TMEM132B: variants seen among roughly 807,000 people sequenced by gnomAD.
TMEM132B encodes transmembrane protein 132B.
In TMEM132B, 18 loss-of-function variants were observed where a neutral mutation model predicts 90.8. The ratio of observed to expected loss-of-function variants is 0.20; its 90% confidence interval spans 0.14 to 0.29. TMEM132B has a LOEUF of 0.29. Ranked by LOEUF, TMEM132B falls within the 10% of genes least tolerant of loss-of-function variation. The probability of loss-of-function intolerance (pLI) is 1.00; values close to 1 mark genes in which losing one functional copy is unlikely to be tolerated. For missense variants in TMEM132B, 1,096 were observed against 1,326.8 expected (o/e 0.83, Z 2.70); for synonymous variants, 504 against 523.3 (o/e 0.96, Z 0.50).
intron 5 of TMEM132B, among the ~76,000 whole-genome samples, chr12:125,592,327 T>C (rs1392793365): frequency 1.3e-5 from 2 of 152,190 alleles, no homozygotes; most frequent in African/African-American, 4.8e-5. Context: ...GATAAATAAG[T>C]ATAAGCTCAC....
chr12:125,323,528 T>TGTTA (rs1331286564), intron 1 of TMEM132B, among the ~76,000 whole-genome samples: 1 of 152,094 alleles, frequency 6.6e-6, no homozygotes, highest in Non-Finnish European at 1.5e-5. Context: ...TTTGTTTGTT[T>TGTTA]GTTTTTTGAG....
At position 125,219,652 on chromosome 12, in the gene TMEM132B, A is replaced by T. The variant is rs1007836922; in HGVS notation, c.67+32786A>T. ...CTGCCCATCTCCTTCCATCAGGTCCACTTTGGTTTCGAACAATTCCAAGAG... is the reference window on the plus strand; with the variant it reads ...CTGCCCATCTCCTTCCATCAGGTCCTCTTTGGTTTCGAACAATTCCAAGAG... On this transcript the variant is annotated intron_variant, in intron 1 of 8. Coordinates refer to ENST00000682704, the MANE Select transcript of TMEM132B (RefSeq NM_001366854.1). Among the ~76,000 whole-genome samples the T allele has an allele frequency of 3.3e-5, 5 of 152,254 alleles. No homozygotes were observed. The East Asian group carries it at 9.6e-4, about 29-fold the overall frequency.
In TMEM132B at chr12:125,653,901, T is replaced by C; in HGVS notation, c.2443T>C (p.Tyr815His). The C allele has an allele frequency of 6.2e-7, 1 of 1,614,072 alleles. No homozygotes were observed. The highest frequency in any genetic ancestry group is 8.5e-7 in the Non-Finnish European group (1 of 1,180,018). Residue 815 changes from tyrosine to histidine, a missense_variant, in exon 9 of 9, where the codon TAT becomes CAT. Transcript: ENST00000682704. ...TGATATTGAGGGCATAAATCGGGAATATAAAGACCACCTCAGTAATTCCAT... is the reference window on the plus strand; with the variant it reads ...TGATATTGAGGGCATAAATCGGGAACATAAAGACCACCTCAGTAATTCCAT... ...SNDIEGINREYKDHLSNSIER... is the reference protein window; with the variant it reads ...SNDIEGINREHKDHLSNSIER...
At chr12:125,625,000 C>T (rs908575287) in intron 5 of TMEM132B, among the ~76,000 whole-genome samples, 1 of 152,174 alleles carries the variant, frequency 6.6e-6, no homozygotes, top group Non-Finnish European at 1.5e-5. Flanking sequence ...TTCTGTTATG[C>T]TGTCCCTTTT....
At chr12:125,571,937 C>T (rs1050668424) in intron 4 of TMEM132B, among the ~76,000 whole-genome samples, 9 of 152,146 alleles carry the variant, frequency 5.9e-5, no homozygotes, top group African/African-American at 2.2e-4. Context: ...AAGAAAAATA[C>T]ATTTTTCTGT....
At chr12:125,381,240 T>C (rs1307632492) in intron 2 of TMEM132B, among the ~76,000 whole-genome samples, 1 of 152,158 alleles carries the variant, frequency 6.6e-6, no homozygotes, top group Non-Finnish European at 1.5e-5. Context: ...AGACATCTCA[T>C]GCTGTACAAG....
chr12:125,203,685 A>AT (rs1873118651), intron 1 of TMEM132B, among the ~76,000 whole-genome samples: 2 of 152,214 alleles, frequency 1.3e-5, no homozygotes, highest in Admixed American at 1.3e-4. Flanking sequence ...ACTTTAAAAT[A>AT]TTTTTCATTA....
Position 125,323,622 on chromosome 12 carries a change from G to A in TMEM132B, c.68-25830G>A, listed in dbSNP as rs1876486593. 3.3e-5 allele frequency among the ~76,000 whole-genome samples: 5 copies of A among 151,936 alleles called. No homozygotes were observed. In the South Asian group the frequency reaches 8.4e-4, roughly 25 times the overall value. ...CAACCTCTGCCTCTGGGGTTCAAGC[G>A]ATTCTCCTGCCTCAGCCTCCTGAGT... On this transcript the variant is annotated intron_variant, in intron 1 of 8. Coordinates refer to ENST00000682704, the MANE Select transcript of TMEM132B (RefSeq NM_001366854.1).
chr12:125,582,746 T>C (rs1386723479), intron 4 of TMEM132B, among the ~76,000 whole-genome samples: 2 of 152,234 alleles, frequency 1.3e-5, no homozygotes, highest in Non-Finnish European at 2.9e-5. Context: ...GTACCAGTTC[T>C]GTTCTAAGCT....
intron 4 of TMEM132B, 142 bp downstream of exon 4, chr12:125,519,767 G>C: frequency 2.4e-6 from 2 of 832,226 alleles, no homozygotes; most frequent in Non-Finnish European, 3.7e-6. Flanking sequence ...TGATCTACCT[G>C]CTTTTCATAA....
intron 1 of TMEM132B, among the ~76,000 whole-genome samples, chr12:125,223,432 G>A (rs1873603976): frequency 6.6e-6 from 1 of 152,070 alleles, no homozygotes; most frequent in Non-Finnish European, 1.5e-5. Context: ...ATAAAACAAC[G>A]GAGTTATTTG....
chr12:125,312,335 C>T (rs1876143429), intron 1 of TMEM132B, among the ~76,000 whole-genome samples: 1 of 152,222 alleles, frequency 6.6e-6, no homozygotes, highest in Non-Finnish European at 1.5e-5. Flanking sequence ...GATGCATCCC[C>T]ATCAGTAAAA....
chr12:125,212,834 A>G (rs1362869684), intron 1 of TMEM132B, among the ~76,000 whole-genome samples: 1 of 152,170 alleles, frequency 6.6e-6, no homozygotes, highest in Non-Finnish European at 1.5e-5. Flanking sequence ...TTTTTTGTAC[A>G]AGCCAAAATA....
chr12:125,239,185 A>C (rs1043388471), intron 1 of TMEM132B, among the ~76,000 whole-genome samples: 1 of 152,136 alleles, frequency 6.6e-6, no homozygotes, highest in African/African-American at 2.4e-5. Context: ...ATGAAGTCCC[A>C]GGCTTGGAAA....
intron 1 of TMEM132B, among the ~76,000 whole-genome samples, chr12:125,230,767 G>T (rs1873802411): frequency 6.6e-6 from 1 of 151,816 alleles, no homozygotes; most frequent in Non-Finnish European, 1.5e-5. Context: ...GCCTCGCAAA[G>T]TGCTGGGATT....
At position 125,262,387 on chromosome 12, in the gene TMEM132B, G is replaced by A. The variant is rs75019175; in HGVS notation, c.67+75521G>A. Among the ~76,000 whole-genome samples, 937 of 152,114 alleles carry A rather than the reference G, an allele frequency of 6.2e-3. 9 individuals are homozygous for A. Among genetic ancestry groups the A allele is most frequent in the African/African-American group, 0.021 (882 of 41,498 alleles). ...TTAAGAAGTGTCTGAAAAAATAGGG[G>A]CCAACATAAAAAAAAATGGACTATT... On this transcript the variant is annotated intron_variant, in intron 1 of 8. Transcript: ENST00000682704.
chr12:125,240,471 T>C (rs983880640), intron 1 of TMEM132B, among the ~76,000 whole-genome samples: 3 of 152,138 alleles, frequency 2.0e-5, no homozygotes. Flanking sequence ...GTAAGCCTCA[T>C]CTATGGGCAG....
chr12:125,295,534 G>GAGAC (rs1555237233), intron 1 of TMEM132B, among the ~76,000 whole-genome samples: 4 of 124,818 alleles, frequency 3.2e-5, no homozygotes, highest in African/African-American at 1.2e-4. Flanking sequence ...GAGAGAGAGA[G>GAGAC]AGAGAGAGAC....
At chr12:125,286,790 G>C (rs1875368857) in intron 1 of TMEM132B, among the ~76,000 whole-genome samples, 1 of 151,862 alleles carries the variant, frequency 6.6e-6, no homozygotes, top group African/African-American at 2.4e-5. Flanking sequence ...TGCAACCTCT[G>C]CCTCCTGGGT....
Sources: gnomAD v4.1 joint callset for allele counts (sites outside exome capture counted in the v4.1 genomes callset) on GRCh38, gnomAD v4.1.1 for gene constraint, MANE v1.5 for transcripts, NCBI Gene and HGNC (gene_info 2026-07-23, HGNC 2026-07-21) for gene names.